Variants in DPH6 observed in about 807,000 individuals in gnomAD.
The protein encoded by DPH6 is diphthamine biosynthesis 6, also known as diphthine--ammonia ligase.
A neutral mutation model predicts 38.2 loss-of-function variants in DPH6; 33 were observed. That is an observed-to-expected ratio of 0.86 (90% CI 0.65 to 1.15). DPH6 has a LOEUF of 1.15. Ranked by LOEUF, DPH6 falls within the 50% of genes most tolerant of loss-of-function variation. The probability of loss-of-function intolerance (pLI) is 0.00; values close to 1 mark genes in which losing one functional copy is unlikely to be tolerated. For missense variants in DPH6, 325 were observed against 320.0 expected (o/e 1.02, Z -0.12); for synonymous variants, 108 against 103.0 (o/e 1.05, Z -0.30).
At chr15:35,361,394 G>A (rs931535667) in intron 3 of DPH6, among the ~76,000 whole-genome samples, 12 of 152,120 alleles carry the variant, frequency 7.9e-5, no homozygotes, top group Non-Finnish European at 1.5e-5. Context: ...TGATTGTAAT[G>A]TATCTAAGTG....
intron 3 of DPH6, among the ~76,000 whole-genome samples, chr15:35,248,982 T>TAA (rs1380034380): frequency 6.6e-6 from 1 of 152,204 alleles, no homozygotes; most frequent in African/African-American, 2.4e-5. Flanking sequence ...AAAATATGTT[T>TAA]AAAGTATCAG....
chr15:35,264,120 A>T (rs535176461), intron 3 of DPH6, among the ~76,000 whole-genome samples: 2 of 150,044 alleles, frequency 1.3e-5, no homozygotes, highest in East Asian at 1.9e-4. Context: ...TTCAAAGATT[A>T]AAAAAAAAGG....
chr15:35,263,454 A>G (rs943427253), intron 3 of DPH6, among the ~76,000 whole-genome samples: 1 of 136,680 alleles, frequency 7.3e-6, no homozygotes, highest in Non-Finnish European at 1.5e-5. Flanking sequence ...CGCCTAGGCT[A>G]GAGTGCAGTG....
chr15:35,187,773 C>G, the DPH6 span, among the ~76,000 whole-genome samples: 6 of 151,952 alleles, frequency 3.9e-5, no homozygotes, highest in African/African-American at 1.5e-4. Flanking sequence ...ATTGATTGAG[C>G]CCAGAAGTTC....
chr15:35,388,015 C>T (rs2140951953), intron 6 of DPH6, among the ~76,000 whole-genome samples: 1 of 152,176 alleles, frequency 6.6e-6, no homozygotes, highest in South Asian at 2.1e-4. Context: ...GAGATATGTC[C>T]CATCAATATC....
chr15:35,315,921 A>C (rs1178057111), intron 3 of DPH6, among the ~76,000 whole-genome samples: 1 of 152,206 alleles, frequency 6.6e-6, no homozygotes, highest in African/African-American at 2.4e-5. Context: ...CACTACATTA[A>C]GTGAAATAAG....
At chr15:35,169,859 A>G in the DPH6 span, among the ~76,000 whole-genome samples, 3 of 152,212 alleles carry the variant, frequency 2.0e-5, no homozygotes, top group African/African-American at 7.2e-5. Flanking sequence ...TAAAATCTGT[A>G]TTTAAACAAA....
chr15:35,270,892 C>T (rs1341756223), intron 3 of DPH6, among the ~76,000 whole-genome samples: 2 of 152,088 alleles, frequency 1.3e-5, no homozygotes, highest in Non-Finnish European at 2.9e-5. Context: ...TCCTTTGATC[C>T]TTTTCATTTT....
chr15:35,411,166 T>C (rs1056601288), intron 5 of DPH6, among the ~76,000 whole-genome samples: 5 of 151,706 alleles, frequency 3.3e-5, no homozygotes, highest in East Asian at 3.9e-4. Context: ...TTTATCCATT[T>C]TGAGGAGCAG....
intron 3 of DPH6, among the ~76,000 whole-genome samples, chr15:35,469,517 T>C (rs932569188): frequency 1.3e-5 from 2 of 152,120 alleles, no homozygotes; most frequent in African/African-American, 2.4e-5. Flanking sequence ...CATAAGTTTA[T>C]AAGGAATGAG....
the DPH6 span, among the ~76,000 whole-genome samples, chr15:35,162,557 T>C: frequency 6.6e-6 from 1 of 151,932 alleles, no homozygotes; most frequent in Non-Finnish European, 1.5e-5. Flanking sequence ...TCTGTACAAA[T>C]GCCACTTCCT....
chr15:35,247,167 T>C (rs911733636), intron 3 of DPH6, among the ~76,000 whole-genome samples: 4 of 152,224 alleles, frequency 2.6e-5, no homozygotes, highest in Non-Finnish European at 5.9e-5. Flanking sequence ...ACAGTGATGA[T>C]TTAAAGAAAT....
intron 5 of DPH6, among the ~76,000 whole-genome samples, chr15:35,430,865 T>A (rs1455045): frequency 0.34 from 51,181 of 151,900 alleles, 10,162 homozygotes; most frequent in African/African-American, 0.56. Context: ...AATGTGACAA[T>A]GCAAATAAAA....
chr15:35,230,391 C>T (rs906190774), intron 3 of DPH6, among the ~76,000 whole-genome samples: 4 of 152,120 alleles, frequency 2.6e-5, no homozygotes, highest in Admixed American at 2.0e-4. Flanking sequence ...GTGAATGCTG[C>T]CTGCCCTAGG....
intron 3 of DPH6, among the ~76,000 whole-genome samples, chr15:35,483,783 A>G (rs1464009641): frequency 6.6e-6 from 1 of 152,218 alleles, no homozygotes; most frequent in Non-Finnish European, 1.5e-5. Context: ...AATGGAAACA[A>G]TTCAATTTTC....
chr15:35,179,151 A>C, the DPH6 span, among the ~76,000 whole-genome samples: 1 of 144,862 alleles, frequency 6.9e-6, no homozygotes, highest in Non-Finnish European at 1.5e-5. Flanking sequence ...GTTTGTGGTG[A>C]GCCAAGATTG....
At chr15:35,284,589 G>T (rs1165873407) in intron 3 of DPH6, among the ~76,000 whole-genome samples, 2 of 150,338 alleles carry the variant, frequency 1.3e-5, no homozygotes. Flanking sequence ...AAATTATTTT[G>T]TAACAGCCAG....
In DPH6 at chr15:35,371,980, AT is replaced by A. The variant is rs945455003; in HGVS notation, c.*169del. ...CACTATTAATGAACATGCCGTCGAC[AT>A]TTTCCCAATTAATAAATGGTTCCAC... On this transcript the variant is annotated 3_prime_UTR_variant, in exon 9 of 9. Transcript: ENST00000256538. The A allele has an allele frequency of 3.0e-6, 4 of 1,325,452 alleles. No homozygotes were observed. The highest frequency in any genetic ancestry group is 2.9e-6 in the Non-Finnish European group (3 of 1,035,980). 82.1% of individuals were successfully genotyped at this position (1,325,452 alleles called of 1,614,324 possible).
At chr15:35,314,099 C>CA (rs35052950) in intron 3 of DPH6, among the ~76,000 whole-genome samples, 15,588 of 116,662 alleles carry the variant, frequency 0.13, 1,171 homozygotes, top group East Asian at 0.36. Flanking sequence ...AACTCAATAG[C>CA]AAAAAAAAAA....
Sources: gnomAD v4.1 joint callset for allele counts (sites outside exome capture counted in the v4.1 genomes callset) on GRCh38, gnomAD v4.1.1 for gene constraint, MANE v1.5 for transcripts, NCBI Gene and HGNC (gene_info 2026-07-23, HGNC 2026-07-21) for gene names.